Variants in LTBP1 observed in about 807,000 individuals in gnomAD.
The protein encoded by LTBP1 is latent-transforming growth factor beta-binding protein 1.
In LTBP1, 129 loss-of-function variants were observed where a neutral mutation model predicts 207.6. The observed-to-expected ratio is 0.62, with a 90% CI of 0.54 to 0.72. The LOEUF (loss-of-function observed/expected upper bound fraction) is 0.72, where lower values mean the gene tolerates loss of function less well. Ranked by LOEUF, LTBP1 falls within the 30% of genes least tolerant of loss-of-function variation. The probability of loss-of-function intolerance (pLI) is 0.00; values close to 1 mark genes in which losing one functional copy is unlikely to be tolerated. For missense variants in LTBP1, 2,281 were observed against 2,217.2 expected (o/e 1.03, Z -0.58); for synonymous variants, 963 against 833.7 (o/e 1.16, Z -2.67).
intron 4 of LTBP1, among the ~76,000 whole-genome samples, chr2:33,123,909 C>T (rs1053960638): frequency 4.6e-5 from 7 of 152,088 alleles, no homozygotes; most frequent in South Asian, 2.1e-4. Flanking sequence ...TTTAAAATTA[C>T]AGAAATCAAT....
chr2:33,393,990 G>A (rs781541190), intron 32 of LTBP1, among the ~76,000 whole-genome samples: 2 of 150,414 alleles, frequency 1.3e-5, no homozygotes, highest in African/African-American at 2.4e-5. Flanking sequence ...CATTGTAATT[G>A]GTGTGAGATG....
chr2:33,176,753 C>T (rs961609428), intron 5 of LTBP1, among the ~76,000 whole-genome samples: 1 of 152,072 alleles, frequency 6.6e-6, no homozygotes, highest in African/African-American at 2.4e-5. Flanking sequence ...CTTAACCATC[C>T]CAAAGCTGTT....
intron 3 of LTBP1, among the ~76,000 whole-genome samples, chr2:33,094,539 G>A (rs938334386): frequency 6.6e-6 from 1 of 152,120 alleles, no homozygotes; most frequent in African/African-American, 2.4e-5. Flanking sequence ...GCTTTTCATC[G>A]GTGAAGTTAC....
At chr2:32,950,509 A>T (rs1401922631) in intron 2 of LTBP1, among the ~76,000 whole-genome samples, 3 of 150,056 alleles carry the variant, frequency 2.0e-5, no homozygotes, top group Non-Finnish European at 4.4e-5. Context: ...CAGTGAGCCG[A>T]GATCGCTCCA....
chr2:33,357,145 T>G (rs2094872833), intron 26 of LTBP1, among the ~76,000 whole-genome samples: 1 of 152,138 alleles, frequency 6.6e-6, no homozygotes, highest in African/African-American at 2.4e-5. Flanking sequence ...ATTAGACATG[T>G]ATGGGGAAAC....
intron 5 of LTBP1, among the ~76,000 whole-genome samples, chr2:33,141,963 T>C (rs933168924): frequency 6.6e-6 from 1 of 152,200 alleles, no homozygotes; most frequent in African/African-American, 2.4e-5. Flanking sequence ...GATACAGTCC[T>C]GGAATTCTTG....
intron 5 of LTBP1, among the ~76,000 whole-genome samples, chr2:33,155,280 A>G (rs1312171784): frequency 2.6e-5 from 4 of 151,658 alleles, no homozygotes; most frequent in Non-Finnish European, 5.9e-5. Context: ...TGGCCAGGCT[A>G]CTCTCGAACT....
intron 2 of LTBP1, among the ~76,000 whole-genome samples, chr2:33,011,272 T>A (rs533998791): frequency 1.3e-5 from 2 of 152,274 alleles, no homozygotes; most frequent in East Asian, 3.9e-4. Flanking sequence ...CATGTATTTT[T>A]GAATTGACTA....
intron 24 of LTBP1, among the ~76,000 whole-genome samples, chr2:33,336,696 C>T (rs2094557329): frequency 6.6e-6 from 1 of 152,172 alleles, no homozygotes; most frequent in Admixed American, 6.5e-5. Context: ...CATTAGTGAG[C>T]TGCTTCCCCT....
intron 11 of LTBP1, among the ~76,000 whole-genome samples, chr2:33,253,539 G>A (rs1017335629): frequency 2.0e-5 from 3 of 152,148 alleles, no homozygotes; most frequent in Non-Finnish European, 2.9e-5. Context: ...ACCTGAAAGC[G>A]TTAGACCTGA....
chr2:32,947,938 C>CCA, intron 1 of LTBP1, 120 bp downstream of exon 1: 1 of 823,434 alleles, frequency 1.2e-6, no homozygotes, highest in Non-Finnish European at 1.6e-6. Flanking sequence ...CGCGGTGGGT[C>CCA]GGCTTTCTCC....
At chr2:33,078,858 T>TTTC (rs2078232400) in intron 3 of LTBP1, among the ~76,000 whole-genome samples, 1 of 24,792 alleles carries the variant, frequency 4.0e-5, no homozygotes, top group Non-Finnish European at 3.2e-4. Flanking sequence ...TTTTCTTTTC[T>TTTC]TTTCTTTTTT....
intron 2 of LTBP1, among the ~76,000 whole-genome samples, chr2:32,991,198 A>G (rs1464614051): frequency 1.3e-5 from 2 of 152,228 alleles, no homozygotes; most frequent in South Asian, 2.1e-4. Flanking sequence ...TTCTCTTTTA[A>G]TAAATATTTG....
rs557384288 is a variant in LTBP1, at chr2:33,216,156, T to A, written c.1702-1396T>A. 2.0e-5 allele frequency among the ~76,000 whole-genome samples: 3 copies of A among 152,286 alleles called. 1 individual carries two copies. The South Asian group carries it at 6.2e-4, about 32-fold the overall frequency. On this transcript the variant is annotated intron_variant, in intron 7 of 33. Coordinates refer to ENST00000404816, the MANE Select transcript of LTBP1 (RefSeq NM_206943.4). The stretch of plus-strand genomic sequence containing the variant: ...TGTACTGTGTACTGGAATATAAACA[T>A]AAGATACATACGCATTTAACAAAAA...
At chr2:32,995,625 C>T (rs1685143510) in intron 2 of LTBP1, among the ~76,000 whole-genome samples, 1 of 151,842 alleles carries the variant, frequency 6.6e-6, no homozygotes, top group Non-Finnish European at 1.5e-5. Flanking sequence ...ACTAAAAATA[C>T]AAAAACAAAA....
chr2:33,154,234 T>C (rs867688698), intron 5 of LTBP1, among the ~76,000 whole-genome samples: 20 of 152,330 alleles, frequency 1.3e-4, no homozygotes, highest in African/African-American at 4.6e-4. Flanking sequence ...CTGTATGGCA[T>C]CTTTAAAAAA....
intron 19 of LTBP1, among the ~76,000 whole-genome samples, chr2:33,290,824 T>C (rs1430008609): frequency 6.6e-6 from 1 of 152,134 alleles, no homozygotes; most frequent in Non-Finnish European, 1.5e-5. Context: ...CAGAGGTACC[T>C]GGGGGACATC....
At chr2:33,089,672 T>C (rs1254646715) in intron 3 of LTBP1, among the ~76,000 whole-genome samples, 2 of 152,250 alleles carry the variant, frequency 1.3e-5, no homozygotes, top group Non-Finnish European at 2.9e-5. Context: ...GAATCAGATA[T>C]TACTAACTAA....
Position 33,366,582 on chromosome 2 carries a change from G to T in LTBP1, c.4711+1079G>T, listed in dbSNP as rs914059285. Among the ~76,000 whole-genome samples, 7 of 152,216 alleles carry T rather than the reference G, an allele frequency of 4.6e-5. No homozygotes were observed. In the East Asian group the frequency reaches 1.3e-3, roughly 29 times the overall value. ...AATGATAGCAGCCCAGAATTGGAAAGAGGGCAGGTCTGGGGCCAGTTGGCA... is the reference window on the plus strand; with the variant it reads ...AATGATAGCAGCCCAGAATTGGAAATAGGGCAGGTCTGGGGCCAGTTGGCA... On this transcript the variant is annotated intron_variant, in intron 31 of 33. Coordinates refer to ENST00000404816, the MANE Select transcript of LTBP1 (RefSeq NM_206943.4).
Sources: allele counts gnomAD v4.1 joint callset (sites outside exome capture counted in the v4.1 genomes callset), GRCh38; gene constraint gnomAD v4.1.1; transcripts MANE v1.5; gene names NCBI Gene and HGNC (gene_info 2026-07-23, HGNC 2026-07-21).